The following FER variants were observed in gnomAD, a reference collection of about 807,000 sequenced individuals.
FER encodes the protein FER tyrosine kinase.
In FER, 63 loss-of-function variants were observed where a neutral mutation model predicts 111.0. That is an observed-to-expected ratio of 0.57 (90% CI 0.46 to 0.70). The LOEUF is 0.70. FER is among the 30% of genes least tolerant of loss of function. FER has a pLI of 0.00. For synonymous variants in FER, 327 were observed against 313.9 expected, an observed-to-expected ratio of 1.04 and a Z score of -0.44; for missense variants, 914 against 954.0, an observed-to-expected ratio of 0.96 and a Z score of 0.55.
intron 2 of FER, among the ~76,000 whole-genome samples, chr5:108,791,446 A>G (rs932825311): frequency 2.0e-5 from 3 of 152,138 alleles, no homozygotes; most frequent in African/African-American, 7.2e-5. Context: ...AGAACTGTCC[A>G]TTCAAATCCT....
chr5:108,825,485 C>G (rs1233363095), intron 3 of FER, among the ~76,000 whole-genome samples: 1 of 152,212 alleles, frequency 6.6e-6, no homozygotes, highest in African/African-American at 2.4e-5. Context: ...CTCTTATTCC[C>G]TGAACAATTG....
intron 13 of FER, among the ~76,000 whole-genome samples, chr5:108,970,794 T>G (rs1191713819): frequency 1.3e-5 from 2 of 152,140 alleles, no homozygotes; most frequent in Non-Finnish European, 2.9e-5. Flanking sequence ...CTAGGCCTGT[T>G]TTAAGTCAGG....
chr5:108,967,554 G>A (rs1262233371), intron 13 of FER, among the ~76,000 whole-genome samples: 5 of 152,074 alleles, frequency 3.3e-5, no homozygotes, highest in Non-Finnish European at 7.4e-5. Context: ...CTAAGATCAG[G>A]AGGTTGAGAC....
intron 16 of FER, among the ~76,000 whole-genome samples, chr5:109,079,030 A>G (rs368283956): frequency 1.8e-4 from 28 of 152,254 alleles, no homozygotes; most frequent in African/African-American, 6.3e-4. Context: ...TCTTACCACA[A>G]CCATACCCAC....
At chr5:109,043,292 G>A (rs1055753053) in intron 14 of FER, among the ~76,000 whole-genome samples, 1 of 152,178 alleles carries the variant, frequency 6.6e-6, no homozygotes, top group Admixed American at 6.5e-5. Context: ...TACCTCTGAT[G>A]TAATAAATAA....
intron 10 of FER, among the ~76,000 whole-genome samples, chr5:108,933,191 T>G (rs1754945144): frequency 6.6e-6 from 1 of 152,202 alleles, no homozygotes; most frequent in Non-Finnish European, 1.5e-5. Flanking sequence ...TGAATGGTAT[T>G]GCCTAGGTTT....
intron 13 of FER, among the ~76,000 whole-genome samples, chr5:109,005,483 A>G (rs1460353685): frequency 6.6e-6 from 1 of 152,196 alleles, no homozygotes; most frequent in Admixed American, 6.5e-5. Context: ...TGATGTATAT[A>G]TGTATAAGCA....
At chr5:108,757,402 C>T (rs1348249468) in intron 1 of FER, among the ~76,000 whole-genome samples, 1 of 152,008 alleles carries the variant, frequency 6.6e-6, no homozygotes, top group African/African-American at 2.4e-5. Flanking sequence ...AAAAGAAAGC[C>T]AGCTGCTAGA....
intron 18 of FER, among the ~76,000 whole-genome samples, chr5:109,185,273 C>A (rs1234145669): frequency 6.6e-6 from 1 of 152,152 alleles, no homozygotes; most frequent in Non-Finnish European, 1.5e-5. Context: ...CAAAACAAGG[C>A]ACCATGTGAT....
chr5:109,115,144 G>A (rs1040579525), intron 17 of FER, among the ~76,000 whole-genome samples: 1 of 152,064 alleles, frequency 6.6e-6, no homozygotes, highest in Non-Finnish European at 1.5e-5. Flanking sequence ...CCCTAACATA[G>A]TAGTCGTTAA....
At chr5:109,007,499 G>A (rs1055101393) in intron 13 of FER, among the ~76,000 whole-genome samples, 12 of 152,144 alleles carry the variant, frequency 7.9e-5, no homozygotes, top group African/African-American at 2.7e-4. Context: ...TGGAAAGTGA[G>A]AATGTCATAT....
At chr5:108,983,233 G>T (rs750288230) in intron 13 of FER, among the ~76,000 whole-genome samples, 6 of 151,970 alleles carry the variant, frequency 3.9e-5, no homozygotes, top group Non-Finnish European at 7.4e-5. Context: ...TGTGACTTCT[G>T]AAAAAGGAAT....
chr5:109,156,125 G>T lies in FER; in HGVS notation c.2049-24622G>T, dbSNP rs74911996. On this transcript the variant is annotated intron_variant, in intron 17 of 19. Coordinates refer to ENST00000281092, the MANE Select transcript of FER (RefSeq NM_005246.4). ...CTAAGGCTAAGAAATGATAAGATTT[G>T]TGTTATAGAAATAACACTTTTCTGC... 7.5e-3 allele frequency among the ~76,000 whole-genome samples: 1,136 copies of T among 152,106 alleles called. 15 individuals carry two copies. Among genetic ancestry groups the T allele is most frequent in the African/African-American group, 0.026 (1,076 of 41,546 alleles).
intron 5 of FER, among the ~76,000 whole-genome samples, chr5:108,867,355 T>TA (rs950423161): frequency 6.6e-6 from 1 of 152,144 alleles, no homozygotes; most frequent in Non-Finnish European, 1.5e-5. Context: ...AAGCCTCCTC[T>TA]GACTACCCTT....
At chr5:108,801,375 G>A (rs900687269) in intron 3 of FER, among the ~76,000 whole-genome samples, 1 of 152,092 alleles carries the variant, frequency 6.6e-6, no homozygotes, top group Non-Finnish European at 1.5e-5. Context: ...CATGACATCA[G>A]TAACACATTT....
intron 10 of FER, among the ~76,000 whole-genome samples, chr5:108,944,532 T>G (rs1450881698): frequency 6.6e-6 from 1 of 152,160 alleles, no homozygotes; most frequent in Non-Finnish European, 1.5e-5. Context: ...GGAAGTTTTT[T>G]AATTTTAATT....
intron 13 of FER, among the ~76,000 whole-genome samples, chr5:108,969,875 G>C (rs1760398800): frequency 2.0e-5 from 3 of 148,094 alleles, no homozygotes; most frequent in Admixed American, 6.6e-5. Flanking sequence ...CTATATTCCA[G>C]GATATTAATT....
intron 2 of FER, chr5:108,785,436 G>T: frequency 1.7e-6 from 1 of 580,900 alleles, no homozygotes; most frequent in Non-Finnish European, 3.4e-6. Flanking sequence ...ATTAGTACTG[G>T]CAGCAAGGCA....
intron 5 of FER, among the ~76,000 whole-genome samples, chr5:108,857,980 A>T (rs931341826): frequency 1.3e-4 from 20 of 152,072 alleles, no homozygotes; most frequent in Non-Finnish European, 2.6e-4. Flanking sequence ...CTTTTAGTGG[A>T]GAATTATATT....
Sources: gnomAD v4.1 joint callset for allele counts (sites outside exome capture counted in the v4.1 genomes callset) on GRCh38, gnomAD v4.1.1 for gene constraint, MANE v1.5 for transcripts, NCBI Gene and HGNC (gene_info 2026-07-23, HGNC 2026-07-21) for gene names.